VTI1A: variants seen among roughly 807,000 people sequenced by gnomAD.
VTI1A encodes the protein vesicle transport through interaction with t-SNAREs homolog 1A.
A neutral mutation model predicts 34.9 loss-of-function variants in VTI1A; 22 were observed. That is an observed-to-expected ratio of 0.63 (90% CI 0.45 to 0.90). The LOEUF (loss-of-function observed/expected upper bound fraction) is 0.90. Ranked by LOEUF, VTI1A falls within the 40% of genes least tolerant of loss-of-function variation. The probability of loss-of-function intolerance (pLI) is 0.00; values close to 1 mark genes in which losing one functional copy is unlikely to be tolerated. For missense variants in VTI1A, 268 were observed against 275.6 expected (o/e 0.97, Z 0.20); for synonymous variants, 87 against 97.3 (o/e 0.89, Z 0.62).
intron 3 of VTI1A, among the ~76,000 whole-genome samples, chr10:112,465,917 A>G (rs1175409043): frequency 6.6e-6 from 1 of 152,236 alleles, no homozygotes; most frequent in Non-Finnish European, 1.5e-5. Flanking sequence ...AAAGTATTTT[A>G]AAAACCCTGC....
chr10:112,517,363 A>G (rs1319582152), intron 3 of VTI1A, among the ~76,000 whole-genome samples: 1 of 152,110 alleles, frequency 6.6e-6, no homozygotes, highest in Non-Finnish European at 1.5e-5. Context: ...CCAGAATATA[A>G]TAAATAGCCA....
At chr10:112,573,768 G>A (rs1021565336) in intron 5 of VTI1A, among the ~76,000 whole-genome samples, 19 of 152,140 alleles carry the variant, frequency 1.2e-4, no homozygotes, top group Middle Eastern at 3.2e-3. Context: ...TGTGAAAGCC[G>A]TTCAGAACAG....
intron 5 of VTI1A, among the ~76,000 whole-genome samples, chr10:112,661,678 T>C (rs919019537): frequency 2.0e-5 from 3 of 152,154 alleles, no homozygotes; most frequent in African/African-American, 7.2e-5. Flanking sequence ...AGTTGTTCCA[T>C]TGTGTGTTTG....
intron 1 of VTI1A, among the ~76,000 whole-genome samples, chr10:112,455,859 T>C (rs1371108317): frequency 6.6e-6 from 1 of 152,130 alleles, no homozygotes; most frequent in Admixed American, 6.5e-5. Flanking sequence ...TAACTCCACC[T>C]CTATTCCAAT....
intron 5 of VTI1A, among the ~76,000 whole-genome samples, chr10:112,600,773 G>T (rs940296462): frequency 1.7e-4 from 26 of 152,140 alleles, no homozygotes; most frequent in African/African-American, 5.3e-4. Context: ...AAAAAATCAC[G>T]AATGAATGAA....
intron 5 of VTI1A, among the ~76,000 whole-genome samples, chr10:112,567,865 AG>A (rs1195212339): frequency 2.0e-5 from 3 of 152,242 alleles, no homozygotes; most frequent in African/African-American, 7.2e-5. Context: ...CTCTGTGGAA[AG>A]GAGGACCATT....
chr10:112,607,817 C>T (rs1291108704), intron 5 of VTI1A, among the ~76,000 whole-genome samples: 1 of 152,150 alleles, frequency 6.6e-6, no homozygotes, highest in Non-Finnish European at 1.5e-5. Flanking sequence ...GTCTGGAAGC[C>T]TTGTGCTTTT....
chr10:112,726,242 C>T (rs1185476806), intron 7 of VTI1A, among the ~76,000 whole-genome samples: 1 of 152,152 alleles, frequency 6.6e-6, no homozygotes, highest in Admixed American at 6.5e-5. Context: ...TCAATGCCTT[C>T]ATCCTCTCCT....
At chr10:112,801,246 G>A (rs1398299098) in intron 7 of VTI1A, among the ~76,000 whole-genome samples, 1 of 152,194 alleles carries the variant, frequency 6.6e-6, no homozygotes, top group East Asian at 1.9e-4. Flanking sequence ...AATCACGTCT[G>A]CCCTGGGCTG....
At chr10:112,475,252 T>A (rs913925634) in intron 3 of VTI1A, among the ~76,000 whole-genome samples, 3 of 152,258 alleles carry the variant, frequency 2.0e-5, no homozygotes, top group Non-Finnish European at 4.4e-5. Context: ...TTAGCTTCTG[T>A]AGAATTTTAT....
chr10:112,751,236 A>G (rs530382109), intron 7 of VTI1A, among the ~76,000 whole-genome samples: 2 of 152,278 alleles, frequency 1.3e-5, no homozygotes, highest in African/African-American at 2.4e-5. Context: ...CAGAATTAAG[A>G]TTATGTAAGG....
At chr10:112,680,875 G>T (rs1412380435) in intron 7 of VTI1A, among the ~76,000 whole-genome samples, 1 of 152,230 alleles carries the variant, frequency 6.6e-6, no homozygotes, top group East Asian at 1.9e-4. Flanking sequence ...CAAGGTAATA[G>T]CTCCTAGCGG....
At position 112,623,193 on chromosome 10, in the gene VTI1A, A is replaced by G. The variant is rs78204238; in HGVS notation, c.428-45025A>G. On this transcript the variant is annotated intron_variant, in intron 5 of 7. Coordinates refer to ENST00000393077, the MANE Select transcript of VTI1A (RefSeq NM_145206.4). Reference sequence around the variant, plus strand: ...TTAAACCATTTGTTTTCCAATCTCTATAAAAGGCCCCTCTGTTTTGGGGTA... The same window carrying G: ...TTAAACCATTTGTTTTCCAATCTCTGTAAAAGGCCCCTCTGTTTTGGGGTA... Among the ~76,000 whole-genome samples, 16 of 152,298 alleles carry G rather than the reference A, an allele frequency of 1.1e-4. No individual in the cohort carries two copies. In the East Asian group the frequency reaches 3.1e-3, roughly 29 times the overall value.
chr10:112,626,289 C>T (rs1845919398), intron 5 of VTI1A, among the ~76,000 whole-genome samples: 1 of 152,126 alleles, frequency 6.6e-6, no homozygotes, highest in Non-Finnish European at 1.5e-5. Context: ...TTTGGGGCAA[C>T]TGCTCAGCTT....
At chr10:112,511,614 G>A (rs1040057246) in intron 3 of VTI1A, among the ~76,000 whole-genome samples, 2 of 152,092 alleles carry the variant, frequency 1.3e-5, no homozygotes, top group Non-Finnish European at 2.9e-5. Context: ...TACCACCCAA[G>A]TTAAGTATAT....
At chr10:112,705,980 G>T (rs1470455466) in intron 7 of VTI1A, among the ~76,000 whole-genome samples, 2 of 152,150 alleles carry the variant, frequency 1.3e-5, no homozygotes, top group African/African-American at 4.8e-5. Context: ...GAAAACCACT[G>T]CTAATCTACA....
chr10:112,552,287 T>C (rs1338111912), intron 5 of VTI1A, among the ~76,000 whole-genome samples: 1 of 152,234 alleles, frequency 6.6e-6, no homozygotes, highest in African/African-American at 2.4e-5. Context: ...CCATCCAGAA[T>C]ATGTATTAAG....
intron 3 of VTI1A, among the ~76,000 whole-genome samples, chr10:112,504,360 C>G (rs1380193177): frequency 6.6e-6 from 1 of 152,126 alleles, no homozygotes; most frequent in Non-Finnish European, 1.5e-5. Context: ...AGCGTATATT[C>G]TCCCCCAACC....
intron 5 of VTI1A, among the ~76,000 whole-genome samples, chr10:112,653,485 A>G (rs117424908): frequency 0.011 from 1,654 of 152,294 alleles, 12 homozygotes; most frequent in Non-Finnish European, 0.016. Flanking sequence ...GTGGCCATGT[A>G]ATCAGCTTAG....
Sources: gnomAD v4.1 joint callset for allele counts (sites outside exome capture counted in the v4.1 genomes callset) on GRCh38, gnomAD v4.1.1 for gene constraint, MANE v1.5 for transcripts, NCBI Gene and HGNC (gene_info 2026-07-23, HGNC 2026-07-21) for gene names.